The following ANK2 variants were observed in gnomAD, a reference collection of about 807,000 sequenced individuals.
ANK2 encodes ankyrin 2, also known as ankyrin-2.
ANK2 carries 83 observed loss-of-function variants against 360.5 expected under a neutral mutation model. That is an observed-to-expected ratio of 0.23 (90% CI 0.19 to 0.28). The LOEUF (loss-of-function observed/expected upper bound fraction) is 0.28. Ranked by LOEUF, ANK2 falls within the 10% of genes least tolerant of loss-of-function variation. The probability of loss-of-function intolerance (pLI) is 1.00; values close to 1 mark genes in which losing one functional copy is unlikely to be tolerated. For missense variants in ANK2, 4,201 were observed against 4,795.7 expected (o/e 0.88, Z 3.66); for synonymous variants, 1,740 against 1,759.5 (o/e 0.99, Z 0.28).
intron 1 of ANK2, among the ~76,000 whole-genome samples, chr4:112,871,620 C>T (rs886919969): frequency 6.6e-6 from 1 of 152,154 alleles, no homozygotes; most frequent in African/African-American, 2.4e-5. Flanking sequence ...GCCAAATTGC[C>T]ATTGCTAGAG....
chr4:113,002,902 G>A (rs564178314), intron 2 of ANK2, among the ~76,000 whole-genome samples: 5 of 152,132 alleles, frequency 3.3e-5, no homozygotes, highest in Non-Finnish European at 5.9e-5. Flanking sequence ...TCAGGCCTCT[G>A]TGGCTCTGTA....
At chr4:112,923,765 T>TTAGATATTGGAA (rs1454770156) in intron 2 of ANK2, among the ~76,000 whole-genome samples, 1 of 152,170 alleles carries the variant, frequency 6.6e-6, no homozygotes, top group Non-Finnish European at 1.5e-5. Context: ...TTGTTAAGTT[T>TTAGATATTGGAA]TAGATATTGG....
intron 43 of ANK2, among the ~76,000 whole-genome samples, chr4:113,370,604 A>G (rs989603017): frequency 6.6e-6 from 1 of 152,008 alleles, no homozygotes; most frequent in Non-Finnish European, 1.5e-5. Context: ...CTACAAATAC[A>G]AAAAAATTAG....
intron 4 of ANK2, among the ~76,000 whole-genome samples, chr4:113,212,984 T>C (rs2099042416): frequency 6.6e-6 from 1 of 152,178 alleles, no homozygotes; most frequent in African/African-American, 2.4e-5. Flanking sequence ...CTAAACACAA[T>C]GCCTAAAGAC....
chr4:113,196,324 C>T (rs766115688), intron 2 of ANK2, 44 bp from the exon 3 acceptor site: 1 of 1,495,522 alleles, frequency 6.7e-7, no homozygotes, highest in Non-Finnish European at 9.3e-7. Flanking sequence ...CACTATTTTC[C>T]TCATTACTTC....
intron 1 of ANK2, among the ~76,000 whole-genome samples, chr4:112,849,959 A>T (rs2064264102): frequency 6.6e-6 from 1 of 152,190 alleles, no homozygotes; most frequent in African/African-American, 2.4e-5. Flanking sequence ...ATAGAACAAA[A>T]AGGTGAAGGA....
intron 2 of ANK2, among the ~76,000 whole-genome samples, chr4:113,188,122 T>C (rs2098568516): frequency 6.6e-6 from 1 of 152,186 alleles, no homozygotes; most frequent in Admixed American, 6.5e-5. Context: ...AAATTATGGC[T>C]CTGATGGTTA....
the ANK2 span, among the ~76,000 whole-genome samples, chr4:112,777,636 G>A: frequency 1.5e-5 from 1 of 67,626 alleles, no homozygotes; most frequent in Non-Finnish European, 3.1e-5. Context: ...TTTTTTTTTT[G>A]AGACAGAGTC....
chr4:113,176,303 T>A (rs2098196635), intron 2 of ANK2, among the ~76,000 whole-genome samples: 1 of 152,228 alleles, frequency 6.6e-6, no homozygotes, highest in Non-Finnish European at 1.5e-5. Flanking sequence ...CAGTAATGGT[T>A]TAGTTTTTAA....
intron 2 of ANK2, chr4:112,904,573 A>G: frequency 1.6e-6 from 2 of 1,279,072 alleles, no homozygotes; most frequent in Non-Finnish European, 2.2e-6. Flanking sequence ...CACGGAGGTT[A>G]GAATGTAATT....
At position 113,353,673 on chromosome 4, in the gene ANK2, T is replaced by C; in HGVS notation, c.5055T>C (p.Asp1685=). The change falls in exon 38 of 46, where the codon GAT becomes GAC. Residue 1685 remains aspartate, a synonymous_variant. Transcript: ENST00000357077. ...AGGAAGGGAAAGACATACCCCCAGA[T>C]GAGACACAGAGTACACAGAAACAGC... is the stretch of plus-strand genomic sequence containing the variant. The part of the protein sequence containing the change: ...SEKEGKDIPP[D]ETQSTQKQHK... 1 of 1,613,592 alleles carries C rather than the reference T, an allele frequency of 6.2e-7. No homozygotes were observed. The highest frequency in any genetic ancestry group is 8.5e-7 in the Non-Finnish European group (1 of 1,179,930).
chr4:112,841,481 A>G (rs920915774), intron 1 of ANK2, among the ~76,000 whole-genome samples: 1 of 152,220 alleles, frequency 6.6e-6, no homozygotes, highest in Non-Finnish European at 1.5e-5. Context: ...ATTATTACAT[A>G]TTGAGCTGAT....
At chr4:112,770,781 T>C in the ANK2 span, among the ~76,000 whole-genome samples, 1 of 151,972 alleles carries the variant, frequency 6.6e-6, no homozygotes, top group Non-Finnish European at 1.5e-5. Flanking sequence ...GGGCCATCCC[T>C]AGATTTTATG....
intron 30 of ANK2, 65 bp downstream of exon 30, chr4:113,336,122 T>C (rs2093493819): frequency 2.6e-6 from 4 of 1,511,506 alleles, no homozygotes; most frequent in Admixed American, 3.5e-5. Flanking sequence ...AAATTAGCTT[T>C]GTCAAGGACT....
At chr4:112,707,446 A>G in the ANK2 span, among the ~76,000 whole-genome samples, 2 of 152,338 alleles carry the variant, frequency 1.3e-5, no homozygotes, top group South Asian at 2.1e-4. Flanking sequence ...AAATCCTTGT[A>G]GAATCTAGGA....
At chr4:113,132,746 A>G (rs1257609757) in intron 1 of ANK2, among the ~76,000 whole-genome samples, 3 of 152,136 alleles carry the variant, frequency 2.0e-5, no homozygotes, top group Non-Finnish European at 2.9e-5. Flanking sequence ...GAAATAGTCA[A>G]CATTGGGGTT....
At chr4:113,254,454 ATG>A (rs1469024287) in intron 10 of ANK2, among the ~76,000 whole-genome samples, 2 of 152,168 alleles carry the variant, frequency 1.3e-5, no homozygotes, top group African/African-American at 4.8e-5. Flanking sequence ...GCATCAATGA[ATG>A]TTAATTTTTC....
chr4:112,883,018 C>CTTTTTTTTTT (rs536262490), intron 1 of ANK2, among the ~76,000 whole-genome samples: 2 of 30,526 alleles, frequency 6.6e-5, no homozygotes, highest in African/African-American at 1.0e-4. Context: ...CTTGGTTAGT[C>CTTTTTTTTTT]TTTTTTTTTT....
chr4:112,835,571 A>G (rs189787707), intron 1 of ANK2, among the ~76,000 whole-genome samples: 1 of 152,318 alleles, frequency 6.6e-6, no homozygotes, highest in African/African-American at 2.4e-5. Context: ...TTGGTTGGTT[A>G]CTTATTTATC....
Sources: gnomAD v4.1 joint callset for allele counts (sites outside exome capture counted in the v4.1 genomes callset) on GRCh38, gnomAD v4.1.1 for gene constraint, MANE v1.5 for transcripts, NCBI Gene and HGNC (gene_info 2026-07-23, HGNC 2026-07-21) for gene names.